The following MCU variants were observed in gnomAD, a reference collection of about 807,000 sequenced individuals.
MCU encodes mitochondrial calcium uniporter.
In MCU, 12 loss-of-function variants were observed where a neutral mutation model predicts 45.2. The ratio of observed to expected loss-of-function variants is 0.27; its 90% CI spans 0.17 to 0.43. MCU has a LOEUF of 0.43. Among genes scored for constraint, MCU ranks in the 20% least tolerant of loss-of-function variants. The pLI, the probability that MCU is intolerant of heterozygous loss-of-function variation, is 1.00. For synonymous variants in MCU, 160 were observed against 165.1 expected (o/e 0.97, Z 0.24); for missense variants, 324 against 436.7 (o/e 0.74, Z 2.30).
chr10:72,757,866 G>A (rs549253640), intron 1 of MCU, among the ~76,000 whole-genome samples: 23 of 152,336 alleles, frequency 1.5e-4, no homozygotes, highest in Admixed American at 9.8e-4. Context: ...GTATATTCAC[G>A]TGTGCAGTGC....
intron 1 of MCU, chr10:72,692,578 G>C: frequency 9.1e-7 from 1 of 1,100,286 alleles, no homozygotes; most frequent in Non-Finnish European, 1.1e-6. Context: ...CACGGGACTT[G>C]AACCTCTCCC....
intron 1 of MCU, among the ~76,000 whole-genome samples, chr10:72,802,713 A>G (rs1235524030): frequency 2.0e-5 from 3 of 152,226 alleles, no homozygotes; most frequent in African/African-American, 7.2e-5. Context: ...TATAATCCTT[A>G]AAGCTTCACT....
chr10:72,736,569 T>A (rs552544512), intron 1 of MCU: 19 of 152,326 alleles, frequency 1.2e-4, no homozygotes, highest in African/African-American at 3.1e-4. Flanking sequence ...ACTTGCATCC[T>A]GGGTATGTTT....
At chr10:72,856,262 T>C (rs1422512627) in intron 2 of MCU, among the ~76,000 whole-genome samples, 2 of 152,224 alleles carry the variant, frequency 1.3e-5, no homozygotes, top group Admixed American at 1.3e-4. Context: ...GGGATGGGGA[T>C]CAGAGAATTT....
At chr10:72,739,796 C>T (rs991755351) in intron 1 of MCU, among the ~76,000 whole-genome samples, 2 of 151,562 alleles carry the variant, frequency 1.3e-5, no homozygotes, top group African/African-American at 4.9e-5. Context: ...CTTGCCTTAG[C>T]CTCCCGAGTA....
chr10:72,851,201 T>C (rs1209558592), intron 2 of MCU, among the ~76,000 whole-genome samples: 1 of 152,254 alleles, frequency 6.6e-6, no homozygotes, highest in African/African-American at 2.4e-5. Context: ...AAAAGCATCA[T>C]GCTCTTTAAA....
At chr10:72,748,851 A>T (rs1843454384) in intron 1 of MCU, among the ~76,000 whole-genome samples, 1 of 152,376 alleles carries the variant, frequency 6.6e-6, no homozygotes, top group South Asian at 2.1e-4. Flanking sequence ...GGAAACAGGT[A>T]AACTTTCCAT....
intron 1 of MCU, among the ~76,000 whole-genome samples, chr10:72,806,403 G>A (rs947689576): frequency 2.6e-5 from 4 of 152,050 alleles, no homozygotes; most frequent in Admixed American, 1.3e-4. Context: ...CAGCTGATCC[G>A]CCCATCTTGG....
chr10:72,839,465 T>C (rs772996380), intron 2 of MCU, among the ~76,000 whole-genome samples: 1 of 152,210 alleles, frequency 6.6e-6, no homozygotes, highest in African/African-American at 2.4e-5. Context: ...AATGGACTCA[T>C]ACAATATGTA....
At chr10:72,747,661 A>C (rs1843433682) in intron 1 of MCU, among the ~76,000 whole-genome samples, 1 of 152,124 alleles carries the variant, frequency 6.6e-6, no homozygotes, top group African/African-American at 2.4e-5. Flanking sequence ...CCTCGTCTCT[A>C]CCAAAAAAAG....
chr10:72,775,339 A>G (rs1843874861), intron 1 of MCU, among the ~76,000 whole-genome samples: 1 of 152,152 alleles, frequency 6.6e-6, no homozygotes, highest in African/African-American at 2.4e-5. Flanking sequence ...GTTTCCTGAA[A>G]CAAATGAAAA....
chr10:72,797,518 G>A (rs943272827), intron 1 of MCU, among the ~76,000 whole-genome samples: 7 of 146,360 alleles, frequency 4.8e-5, no homozygotes, highest in African/African-American at 7.5e-5. Flanking sequence ...GAGCCACTGC[G>A]ACTGGCCATA....
intron 1 of MCU, among the ~76,000 whole-genome samples, chr10:72,815,922 G>A (rs555359025): frequency 1.3e-5 from 2 of 152,290 alleles, no homozygotes; most frequent in South Asian, 4.1e-4. Context: ...GTGGGGAAGG[G>A]AGGTGTAAAT....
At chr10:72,695,364 C>A (rs1842672921) in intron 1 of MCU, among the ~76,000 whole-genome samples, 1 of 152,222 alleles carries the variant, frequency 6.6e-6, no homozygotes, top group Non-Finnish European at 1.5e-5. Flanking sequence ...CTGCCTGACA[C>A]AGAGGCAGGT....
chr10:72,885,964 G>T lies in MCU; in HGVS notation c.*142G>T. On this transcript the variant is annotated 3_prime_UTR_variant, in exon 8 of 8. Transcript: ENST00000373053. Reference sequence around the variant, plus strand: ...TAAAACAAAAACAGAAAGGATCTGAGGGAAGAAGGGAATGTTAAAACCTGA... The same window carrying T: ...TAAAACAAAAACAGAAAGGATCTGATGGAAGAAGGGAATGTTAAAACCTGA... The T allele has an allele frequency of 1.6e-6, 1 of 621,722 alleles. No individual in the cohort carries two copies. Among genetic ancestry groups the T allele is most frequent in the South Asian group, 2.0e-5 (1 of 49,344 alleles). The allele number at this position is 621,722 out of a possible 1,614,324, so 38.5% of individuals were successfully genotyped here. A position where few individuals can be genotyped will look rare whatever the true frequency, so the allele number is the denominator to read the frequency against.
chr10:72,844,380 C>G (rs1218564604), intron 2 of MCU, among the ~76,000 whole-genome samples: 2 of 151,636 alleles, frequency 1.3e-5, no homozygotes, highest in Non-Finnish European at 2.9e-5. Context: ...GAGCAAGACT[C>G]CATCTCAAAA....
At position 72,814,869 on chromosome 10, in the gene MCU, A is replaced by G. The variant is rs142203043; in HGVS notation, c.151-19490A>G. The stretch of plus-strand genomic sequence containing the variant: ...TAAGAATCTGTCCAACACAAGTGTT[A>G]AGAAATAATAAGGCAATAGGAGGAG... On this transcript the variant is annotated intron_variant, in intron 1 of 7. Transcript: ENST00000373053. Among the ~76,000 whole-genome samples, 456 of 152,360 alleles carry G rather than the reference A, an allele frequency of 3.0e-3. 4 individuals carry two copies. Among genetic ancestry groups the G allele is most frequent in the African/African-American group, 0.01 (428 of 41,590 alleles).
rs372630394 is a variant in MCU, at chr10:72,743,444, C to T, written c.150+51143C>T. Among the ~76,000 whole-genome samples, 429 of 147,310 alleles carry T rather than the reference C, an allele frequency of 2.9e-3. 3 individuals carry two copies. Among genetic ancestry groups the T allele is most frequent in the African/African-American group, 0.01 (403 of 40,178 alleles). ...AAAAAAAAAAAAAAGGTTTTTGGAGCCCCTTTAATATATCTTTATGGGGGG... is the reference window on the plus strand; with the variant it reads ...AAAAAAAAAAAAAAGGTTTTTGGAGTCCCTTTAATATATCTTTATGGGGGG... On this transcript the variant is annotated intron_variant, in intron 1 of 7. Transcript: ENST00000373053.
At chr10:72,692,961 T>A (rs1842642856) in intron 1 of MCU, 1 of 1,534,624 alleles carries the variant, frequency 6.5e-7, no homozygotes, top group Non-Finnish European at 8.7e-7. Context: ...TCCTCTTGGG[T>A]CCTTAAAGGT....
Sources: gnomAD v4.1 joint callset for allele counts (sites outside exome capture counted in the v4.1 genomes callset) on GRCh38, gnomAD v4.1.1 for gene constraint, MANE v1.5 for transcripts, NCBI Gene and HGNC (gene_info 2026-07-23, HGNC 2026-07-21) for gene names.